NMNAT1: variants seen among roughly 807,000 people sequenced by gnomAD.
NMNAT1 encodes nicotinamide nucleotide adenylyltransferase 1.
Under a neutral mutation model 16.7 loss-of-function variants are expected in NMNAT1, and 11 were observed. The observed-to-expected ratio is 0.66, with a 90% CI of 0.41 to 1.09. The LOEUF is 1.09. NMNAT1 is among the 50% of genes least tolerant of loss of function. The probability of loss-of-function intolerance (pLI) is 0.00; values close to 1 mark genes in which losing one functional copy is unlikely to be tolerated. For missense variants in NMNAT1, 280 were observed against 332.3 expected (o/e 0.84, Z 1.22); for synonymous variants, 110 against 119.8 (o/e 0.92, Z 0.53).
chr1:9,952,741 G>A (rs1263240384), intron 1 of NMNAT1, among the ~76,000 whole-genome samples: 4 of 152,024 alleles, frequency 2.6e-5, no homozygotes, highest in African/African-American at 9.7e-5. Flanking sequence ...GTTTCACCAT[G>A]TTGGCCAGGC....
intron 3 of NMNAT1, among the ~76,000 whole-genome samples, chr1:9,976,991 C>T (rs1570710777): frequency 6.6e-6 from 1 of 151,818 alleles, no homozygotes; most frequent in East Asian, 1.9e-4. Flanking sequence ...ACTGCAACCT[C>T]TGCCTCCCGG....
At chr1:9,971,391 G>A (rs1641684341) in intron 1 of NMNAT1, among the ~76,000 whole-genome samples, 1 of 152,002 alleles carries the variant, frequency 6.6e-6, no homozygotes, top group Non-Finnish European at 1.5e-5. Flanking sequence ...TCGGCTCACT[G>A]CAACCTCCGC....
At chr1:9,981,288 G>A (rs1362528096) in intron 4 of NMNAT1, 118 bp downstream of exon 4, 10 of 1,456,132 alleles carry the variant, frequency 6.9e-6, no homozygotes, top group African/African-American at 1.4e-5. Flanking sequence ...AGGCTGGAGT[G>A]CAGTGGCATG....
chr1:9,987,771 T>G (rs1163420566), downstream of NMNAT1, among the ~76,000 whole-genome samples: 1 of 152,082 alleles, frequency 6.6e-6, no homozygotes, highest in Non-Finnish European at 1.5e-5. Context: ...GGAGGCGTAG[T>G]GAGCTGTGAT....
intron 1 of NMNAT1, among the ~76,000 whole-genome samples, chr1:9,953,175 G>A (rs1279366841): frequency 6.6e-6 from 1 of 151,352 alleles, no homozygotes; most frequent in African/African-American, 2.4e-5. Context: ...GTAGAGACGG[G>A]GTTTCACTGC....
intron 1 of NMNAT1, chr1:9,960,888 G>GC (rs1352541394): frequency 2.0e-5 from 3 of 152,230 alleles, no homozygotes; most frequent in Non-Finnish European, 2.9e-5. Flanking sequence ...ATCGGCCACA[G>GC]CCCCCCTATA....
At chr1:9,945,816 C>T (rs1035252780) in intron 1 of NMNAT1, among the ~76,000 whole-genome samples, 6 of 152,172 alleles carry the variant, frequency 3.9e-5, no homozygotes, top group East Asian at 1.9e-4. Flanking sequence ...TACAGTGACA[C>T]GAGCACGGCT....
Position 9,962,745 on chromosome 1 carries a change from G to C in NMNAT1, c.-56-9273G>C, listed in dbSNP as rs1641452921. ...AGCCCAGGCTGGAGTGCAGTGGCGC[G>C]ATCTCGGCTCACTGCAAGCTCCGCC... On this transcript the variant is annotated intron_variant, in intron 1 of 4. Coordinates refer to ENST00000377205, the MANE Select transcript of NMNAT1 (RefSeq NM_022787.4). Among the ~76,000 whole-genome samples, 3 of 135,082 alleles carry C rather than the reference G, an allele frequency of 2.2e-5. No homozygotes were observed. In the South Asian group the frequency reaches 7.7e-4, roughly 35 times the overall value. 88.6% of individuals were successfully genotyped at this position (135,082 alleles called of 152,430 possible). A position where few individuals can be genotyped will look rare whatever the true frequency, so the allele number is the denominator to read the frequency against.
the NMNAT1 span, among the ~76,000 whole-genome samples, chr1:9,995,625 C>G: frequency 6.6e-6 from 1 of 151,296 alleles, no homozygotes; most frequent in Non-Finnish European, 1.5e-5. Flanking sequence ...ACCCAAGAGG[C>G]GGAGGTTGCA....
chr1:9,987,278 A>G (rs556662850), downstream of NMNAT1, among the ~76,000 whole-genome samples: 1 of 152,198 alleles, frequency 6.6e-6, no homozygotes, highest in South Asian at 2.1e-4. Context: ...GGAGGCCAAG[A>G]CAGGAGGAGC....
intron 3 of NMNAT1, 85 bp from the exon 4 acceptor site, chr1:9,980,946 G>C: frequency 6.9e-7 from 1 of 1,449,180 alleles, no homozygotes; most frequent in Non-Finnish European, 9.2e-7. Context: ...GTGAGCCACT[G>C]TGCCCAGCTA....
chr1:9,975,664 C>T lies in NMNAT1; in HGVS notation c.188C>T (p.Ala63Val). Reference sequence around the variant, plus strand: ...TACAAGAAGAAAGGACTCATTCCTGCCTATCACCGGGTCATCATGGCAGAA... The same window carrying T: ...TACAAGAAGAAAGGACTCATTCCTGTCTATCACCGGGTCATCATGGCAGAA... Reference protein sequence around the residue: ...DAYKKKGLIPAYHRVIMAELA... With the variant: ...DAYKKKGLIPVYHRVIMAELA... The change falls in exon 3 of 5, where the codon GCC (alanine) becomes GTC (valine). Residue 63 changes from alanine to valine, a missense_variant. Physicochemically the swap from Ala to Val is moderately conservative, Grantham distance 64. Coordinates refer to ENST00000377205, the MANE Select transcript of NMNAT1 (RefSeq NM_022787.4). 1 of 1,613,930 alleles carries T rather than the reference C, an allele frequency of 6.2e-7. No homozygotes were observed. The highest frequency in any genetic ancestry group is 8.5e-7 in the Non-Finnish European group (1 of 1,179,850).
At chr1:9,962,769 C>T (rs1034532946) in intron 1 of NMNAT1, among the ~76,000 whole-genome samples, 2 of 149,612 alleles carry the variant, frequency 1.3e-5, no homozygotes, top group Admixed American at 1.3e-4. Context: ...GCAAGCTCCG[C>T]CTCCCGGGTT....
rs1334737306 is a variant in NMNAT1 at position 9,984,415 on chromosome 1, A to G, written c.*1714A>G. On this transcript the variant is annotated 3_prime_UTR_variant, in exon 5 of 5. Transcript: ENST00000377205. ...AAGAACAAGCTTTGTACAGAGAACA[A>G]GCTTGGCTTTTTCTCCCAACGCCGA... The G allele has an allele frequency of 6.6e-6, 1 of 152,136 alleles. No homozygotes were observed. The highest frequency in any genetic ancestry group is 1.9e-4 in the East Asian group (1 of 5,196). The allele number at this position is 152,136 out of a possible 1,614,324, so 9.4% of individuals were successfully genotyped here. A position where few individuals can be genotyped will look rare whatever the true frequency, so the allele number is the denominator to read the frequency against.
chr1:9,981,693 T>C (rs1641952496), intron 4 of NMNAT1: 1 of 154,582 alleles, frequency 6.5e-6, no homozygotes, highest in Non-Finnish European at 1.4e-5. Flanking sequence ...TTATATTGCA[T>C]ACTTGTGGGT....
At position 9,982,804 on chromosome 1, in the gene NMNAT1, G is replaced by A. The variant is rs995212688; in HGVS notation, c.*103G>A. 1 of 1,258,056 alleles carries A rather than the reference G, an allele frequency of 7.9e-7. No individual in the cohort carries two copies. Among genetic ancestry groups the A allele is most frequent in the African/African-American group, 1.5e-5 (1 of 66,324 alleles). 77.9% of individuals were successfully genotyped at this position (1,258,056 alleles called of 1,614,324 possible). On this transcript the variant is annotated 3_prime_UTR_variant, in exon 5 of 5. Transcript: ENST00000377205. ...GTTGTGATCTGTTGCCTAAACTAAA[G>A]CTTAAAAGTTTAGTAAAAATCGTCT...
At chr1:9,972,583 G>C (rs796352355) in intron 2 of NMNAT1, 8 of 172,740 alleles carry the variant, frequency 4.6e-5, no homozygotes, top group African/African-American at 1.2e-4. Context: ...ATGCTGTCCT[G>C]CTCCCTTGTA....
chr1:9,975,840 A>G (rs528052810), intron 3 of NMNAT1, 65 bp downstream of exon 3: 71 of 1,265,496 alleles, frequency 5.6e-5, no homozygotes, highest in Middle Eastern at 1.9e-4. Flanking sequence ...TGTTTTTACC[A>G]TGTTTCAATG....
intron 1 of NMNAT1, among the ~76,000 whole-genome samples, chr1:9,946,169 C>A (rs1259381321): frequency 6.6e-6 from 1 of 152,132 alleles, no homozygotes; most frequent in Non-Finnish European, 1.5e-5. Flanking sequence ...GTGACTTAGT[C>A]ATTCAGCAGT....
Sources: allele counts gnomAD v4.1 joint callset (sites outside exome capture counted in the v4.1 genomes callset), GRCh38; gene constraint gnomAD v4.1.1; transcripts MANE v1.5; gene names NCBI Gene and HGNC (gene_info 2026-07-23, HGNC 2026-07-21).